Variants in PCDHGB6 observed in about 807,000 individuals in gnomAD.
The protein encoded by PCDHGB6 is protocadherin gamma subfamily B, 6.
In PCDHGB6, 51 loss-of-function variants were observed where a neutral mutation model predicts 59.1. The ratio of observed to expected loss-of-function variants is 0.86; its 90% confidence interval spans 0.69 to 1.09. PCDHGB6 has a LOEUF of 1.09. PCDHGB6 is among the 50% of genes least tolerant of loss of function. PCDHGB6 has a pLI of 0.00. For synonymous variants in PCDHGB6, 466 were observed against 495.1 expected (o/e 0.94, Z 0.78); for missense variants, 1,148 against 1,205.1 (o/e 0.95, Z 0.70).
chr5:141,409,175 G>T lies in PCDHGB6; in HGVS notation c.973G>T (p.Gly325Cys). 1 of 1,614,008 alleles carries T rather than the reference G, an allele frequency of 6.2e-7. No homozygotes were observed. Among genetic ancestry groups the T allele is most frequent in the Non-Finnish European group, 8.5e-7 (1 of 1,179,886 alleles). The change falls in exon 1 of 4, where the codon GGT (glycine) becomes TGT (cysteine). Residue 325 changes from glycine to cysteine, a missense_variant. Coordinates refer to ENST00000520790, the MANE Select transcript of PCDHGB6 (RefSeq NM_018926.3). ...CATGGAAGTGGAAGCGAAGGACGGAGGTGGTCTCTCTACCCAGTGTAAAGT... is the reference window on the plus strand; with the variant it reads ...CATGGAAGTGGAAGCGAAGGACGGATGTGGTCTCTCTACCCAGTGTAAAGT... ...YTMEVEAKDGGGLSTQCKVII... is the reference protein window; with the variant it reads ...YTMEVEAKDGCGLSTQCKVII...
intron 1 of PCDHGB6, chr5:141,417,913 T>A (rs749352432): frequency 1.2e-6 from 2 of 1,601,944 alleles, no homozygotes; most frequent in African/African-American, 1.3e-5. Flanking sequence ...AGGTACTATT[T>A]CCTTTGCTGC....
In PCDHGB6 at chr5:141,428,860, CTT is replaced by C. The variant is rs34152666; in HGVS notation, c.2418+18252_2418+18253del. On this transcript the variant is annotated intron_variant, in intron 1 of 3. Transcript: ENST00000520790. The stretch of plus-strand genomic sequence containing the variant: ...ACATTTTCACCATTTTTACGGGAGA[CTT>C]TTTTTTTTTTTGGACGGAGTCTCGC... The C allele has an allele frequency of 7.4e-3, 1,070 of 145,506 alleles. 4 individuals carry two copies. Among genetic ancestry groups the C allele is most frequent in the South Asian group, 0.018 (82 of 4,566 alleles). 9.0% of individuals were successfully genotyped at this position (145,506 alleles called of 1,614,324 possible).
intron 1 of PCDHGB6, among the ~76,000 whole-genome samples, chr5:141,470,385 T>C (rs1278833959): frequency 1.3e-5 from 2 of 152,206 alleles, no homozygotes; most frequent in Non-Finnish European, 2.9e-5. Flanking sequence ...GACTACTCGA[T>C]GATATTTAGG....
At chr5:141,503,729 G>C (rs531112359) in intron 2 of PCDHGB6, among the ~76,000 whole-genome samples, 1 of 152,190 alleles carries the variant, frequency 6.6e-6, no homozygotes, top group East Asian at 1.9e-4. Flanking sequence ...CTTTATGTTT[G>C]TTGTGATGGT....
At position 141,408,609 on chromosome 5, in the gene PCDHGB6, AG is replaced by A; in HGVS notation, c.409del (p.Glu137LysfsTer4). On this transcript the variant is annotated frameshift_variant, in exon 1 of 4. Coordinates refer to ENST00000520790, the MANE Select transcript of PCDHGB6 (RefSeq NM_018926.3). LOFTEE classifies it high-confidence loss of function. ...GACCACGCCCCTCAATTTGATAAAAAGGAAATACATTTAGAAATTTTCGAAT... is the reference window on the plus strand; with the variant it reads ...GACCACGCCCCTCAATTTGATAAAAAGAAATACATTTAGAAATTTTCGAAT... ...VNDHAPQFDK[K>X]EIHLEIFESA... is the part of the protein sequence containing the mutation. The A allele has an allele frequency of 1.9e-6, 3 of 1,614,088 alleles. No individual in the cohort carries two copies. Among genetic ancestry groups the A allele is most frequent in the Non-Finnish European group, 1.7e-6 (2 of 1,179,908 alleles).
intron 1 of PCDHGB6, among the ~76,000 whole-genome samples, chr5:141,461,390 C>T (rs1220034894): frequency 2.0e-5 from 3 of 152,080 alleles, no homozygotes; most frequent in East Asian, 3.9e-4. Context: ...TGATGATTAG[C>T]GATGTTGAGC....
chr5:141,455,852 T>C (rs2154565235), intron 1 of PCDHGB6, among the ~76,000 whole-genome samples: 1 of 148,622 alleles, frequency 6.7e-6, no homozygotes, highest in South Asian at 2.1e-4. Context: ...CATAAAATAA[T>C]TTCTTTTATT....
In PCDHGB6 at chr5:141,422,647, T is replaced by G. The variant is rs773990745; in HGVS notation, c.2418+12027T>G. 2.5e-6 allele frequency: 4 copies of G among 1,611,858 alleles called. No individual in the cohort carries two copies. In the South Asian group the frequency reaches 4.4e-5, roughly 18 times the overall value. On this transcript the variant is annotated intron_variant, in intron 1 of 3. Transcript: ENST00000520790. ...CAACCCCAGGGGTGCCTCCATCTTC[T>G]CAGTGACCGCCCTCGACCCGGACAG...
Position 141,490,051 on chromosome 5 carries a change from G to C in PCDHGB6, c.2419-4756G>C, listed in dbSNP as rs779280988. 1 of 1,614,214 alleles carries C rather than the reference G, an allele frequency of 6.2e-7. No individual in the cohort carries two copies. The highest frequency in any genetic ancestry group is 1.1e-5 in the South Asian group (1 of 91,082). On this transcript the variant is annotated intron_variant, in intron 1 of 3. Coordinates refer to ENST00000520790, the MANE Select transcript of PCDHGB6 (RefSeq NM_018926.3). The surrounding 1 kb of genome is among the most constrained non-coding windows in gnomAD (Gnocchi z 5.4). Reference sequence around the variant, plus strand: ...CCGCCTCAATGCCACTGATCCAGACGAGGGCACCAACGGCCAACTAGACTA... The same window carrying C: ...CCGCCTCAATGCCACTGATCCAGACCAGGGCACCAACGGCCAACTAGACTA...
chr5:141,478,155 G>A (rs138384601), intron 1 of PCDHGB6: 1 of 1,613,992 alleles, frequency 6.2e-7, no homozygotes, highest in Non-Finnish European at 8.5e-7. Context: ...TTCCCCTCTG[G>A]CTCTGCCCCC....
chr5:141,431,053 G>A lies in PCDHGB6; in HGVS notation c.2418+20433G>A, dbSNP rs1208370015. On this transcript the variant is annotated intron_variant, in intron 1 of 3. Coordinates refer to ENST00000520790, the MANE Select transcript of PCDHGB6 (RefSeq NM_018926.3). This position sits in a 1 kb window ranked among gnomAD's most constrained non-coding sequence, Gnocchi z 4.8. ...TAGACCGGGAGGAGCTCTGTATGGG[G>A]GCCATCAAGTGTCAATTAAATCTAG... 1 of 1,614,174 alleles carries A rather than the reference G, an allele frequency of 6.2e-7. No homozygotes were observed. Among genetic ancestry groups the A allele is most frequent in the Admixed American group, 1.7e-5 (1 of 60,030 alleles).
At chr5:141,480,948 G>C (rs1288557779) in intron 1 of PCDHGB6, among the ~76,000 whole-genome samples, 1 of 152,138 alleles carries the variant, frequency 6.6e-6, no homozygotes, top group Non-Finnish European at 1.5e-5. Context: ...TAGAGGCTGA[G>C]GCGGAAGCAT....
intron 2 of PCDHGB6, among the ~76,000 whole-genome samples, chr5:141,500,508 C>T (rs2099801020): frequency 6.6e-6 from 1 of 152,078 alleles, no homozygotes; most frequent in African/African-American, 2.4e-5. Context: ...CGCGCCTGGC[C>T]GAGCTTCATT....
intron 2 of PCDHGB6, among the ~76,000 whole-genome samples, chr5:141,502,428 A>C (rs2099814217): frequency 6.6e-6 from 1 of 151,978 alleles, no homozygotes; most frequent in South Asian, 2.1e-4. Flanking sequence ...CTATTCTCTG[A>C]TGGTTAGATT....
intron 1 of PCDHGB6, among the ~76,000 whole-genome samples, chr5:141,464,912 T>A (rs1303305860): frequency 2.6e-5 from 4 of 152,092 alleles, no homozygotes; most frequent in Non-Finnish European, 5.9e-5. Context: ...CTAATTTTTT[T>A]ATTTTTTTGT....
At chr5:141,460,502 G>A (rs1300155108) in intron 1 of PCDHGB6, among the ~76,000 whole-genome samples, 1 of 152,094 alleles carries the variant, frequency 6.6e-6, no homozygotes, top group Non-Finnish European at 1.5e-5. Flanking sequence ...AAAATATGCT[G>A]AGAAGGCTAT....
At position 141,431,391 on chromosome 5, in the gene PCDHGB6, T is replaced by C; in HGVS notation, c.2418+20771T>C. Reference sequence around the variant, plus strand: ...GAAGAAAAGGCTGCTCACCACCTGGTCCTTACGGCCTCCGACGGGGGCGAC... The same window carrying C: ...GAAGAAAAGGCTGCTCACCACCTGGCCCTTACGGCCTCCGACGGGGGCGAC... On this transcript the variant is annotated intron_variant, in intron 1 of 3. Transcript: ENST00000520790. The surrounding 1 kb of genome is among the most constrained non-coding windows in gnomAD (Gnocchi z 4.8). 1 of 1,613,852 alleles carries C rather than the reference T, an allele frequency of 6.2e-7. No homozygotes were observed.
intron 3 of PCDHGB6, among the ~76,000 whole-genome samples, chr5:141,508,658 A>G (rs1420910010): frequency 2.0e-5 from 3 of 152,086 alleles, no homozygotes; most frequent in African/African-American, 4.8e-5. Flanking sequence ...CCTTCCTGTC[A>G]TTCTGTCTCT....
chr5:141,477,573 C>T lies in PCDHGB6; in HGVS notation c.2419-17234C>T, dbSNP rs1593790046. The T allele has an allele frequency of 6.2e-7, 1 of 1,614,056 alleles. No individual in the cohort carries two copies. Among genetic ancestry groups the T allele is most frequent in the South Asian group, 1.1e-5 (1 of 91,086 alleles). ...AACCTAAGTGTCTGGGACCCCGACGCCCCGCAGAATGCTCGGCTTTCTTTC... is the reference window on the plus strand; with the variant it reads ...AACCTAAGTGTCTGGGACCCCGACGTCCCGCAGAATGCTCGGCTTTCTTTC... On this transcript the variant is annotated intron_variant, in intron 1 of 3. Coordinates refer to ENST00000520790, the MANE Select transcript of PCDHGB6 (RefSeq NM_018926.3). This position sits in a 1 kb window ranked among gnomAD's most constrained non-coding sequence, Gnocchi z 4.9.
Sources: gnomAD v4.1 joint callset for allele counts (sites outside exome capture counted in the v4.1 genomes callset) on GRCh38, gnomAD v4.1.1 for gene constraint, Gnocchi (gnomAD v3.1) non-coding constraint, MANE v1.5 for transcripts, NCBI Gene and HGNC (gene_info 2026-07-23, HGNC 2026-07-21) for gene names.